The following YAF2 variants were observed in gnomAD, a reference collection of about 807,000 sequenced individuals.
YAF2 encodes YY1 associated factor 2.
In YAF2, 7 loss-of-function variants were observed where a neutral mutation model predicts 20.1. The ratio of observed to expected loss-of-function variants is 0.35; its 90% CI spans 0.20 to 0.65. The LOEUF (loss-of-function observed/expected upper bound fraction) is 0.65. Among genes scored for constraint, YAF2 ranks in the 30% least tolerant of loss-of-function variants. The pLI is 0.69. For missense variants in YAF2, 151 were observed against 219.2 expected (o/e 0.69, Z 1.96); for synonymous variants, 74 against 76.0 (o/e 0.97, Z 0.14).
In YAF2 at chr12:42,160,361, C is replaced by T; in HGVS notation, c.*228G>A. ...CACTGCATAATGAATAATTCAACCA[C>T]ATTTTCATGGCACTTAACTGCAGAG... On this transcript the variant is annotated 3_prime_UTR_variant, in exon 4 of 4. Transcript: ENST00000534854. The T allele has an allele frequency of 4.1e-6, 2 of 484,532 alleles. No homozygotes were observed. The highest frequency in any genetic ancestry group is 7.3e-6 in the Non-Finnish European group (2 of 274,574). 30.0% of individuals were successfully genotyped at this position (484,532 alleles called of 1,614,324 possible).
In YAF2 at chr12:42,159,814, T is replaced by G. The variant is rs1287943783; in HGVS notation, c.*775A>C. 6.6e-6 allele frequency: 1 copy of G among 152,546 alleles called. No homozygotes were observed. Among genetic ancestry groups the G allele is most frequent in the Non-Finnish European group, 1.5e-5 (1 of 67,966 alleles). The allele number at this position is 152,546 out of a possible 1,614,324, so 9.4% of individuals were successfully genotyped here. On this transcript the variant is annotated 3_prime_UTR_variant, in exon 4 of 4. Coordinates refer to ENST00000534854, the MANE Select transcript of YAF2 (RefSeq NM_005748.6). The stretch of plus-strand genomic sequence containing the variant: ...TGCCAAATGCTTATAATTATTTGAA[T>G]TTTAATGTTTTATATGATACAGAAA...
Position 42,214,559 on chromosome 12 carries a change from G to A in YAF2, c.152+23040C>T, listed in dbSNP as rs184971042. Among the ~76,000 whole-genome samples, 33 of 151,750 alleles carry A rather than the reference G, an allele frequency of 2.2e-4. No homozygotes were observed. The East Asian group carries it at 5.3e-3, about 24-fold the overall frequency. On this transcript the variant is annotated intron_variant, in intron 2 of 3. Coordinates refer to ENST00000534854, the MANE Select transcript of YAF2 (RefSeq NM_005748.6). Reference sequence around the variant, plus strand: ...AGTGCTGGGATTACAGGTGTGAGCCGCCATGCCCGGCCTCCTCTTATCCTT... The same window carrying A: ...AGTGCTGGGATTACAGGTGTGAGCCACCATGCCCGGCCTCCTCTTATCCTT...
chr12:42,210,716 G>A, intron 2 of YAF2: 1 of 1,513,260 alleles, frequency 6.6e-7, no homozygotes, highest in Non-Finnish European at 8.8e-7. Context: ...TTTTATTTGA[G>A]ATTATTATCA....
chr12:42,223,680 T>C (rs570119127), intron 2 of YAF2, among the ~76,000 whole-genome samples: 2 of 152,150 alleles, frequency 1.3e-5, no homozygotes, highest in Admixed American at 1.3e-4. Context: ...TTATTAATAA[T>C]GGCCACATGC....
At chr12:42,215,695 G>A (rs1375845041) in intron 2 of YAF2, among the ~76,000 whole-genome samples, 1 of 152,170 alleles carries the variant, frequency 6.6e-6, no homozygotes, top group African/African-American at 2.4e-5. Context: ...GGCTGAGGCA[G>A]GCAGATCACT....
At chr12:42,231,752 G>A (rs534715942) in intron 2 of YAF2, 1 of 152,148 alleles carries the variant, frequency 6.6e-6, no homozygotes. Flanking sequence ...AATCTTCTCA[G>A]AAAAGTCTTT....
chr12:42,217,676 T>C lies in YAF2; in HGVS notation c.152+19923A>G, dbSNP rs117563952. Among the ~76,000 whole-genome samples the C allele has an allele frequency of 7.0e-3, 1,069 of 152,242 alleles. 40 individuals are homozygous for C. The East Asian group carries it at 0.085, about 12-fold the overall frequency. Reference sequence around the variant, plus strand: ...ATTACCACCAAAAAAATCACATGAATATAAATGTCAAGGAGGGGATTTAAA... The same window carrying C: ...ATTACCACCAAAAAAATCACATGAACATAAATGTCAAGGAGGGGATTTAAA... On this transcript the variant is annotated intron_variant, in intron 2 of 3. Coordinates refer to ENST00000534854, the MANE Select transcript of YAF2 (RefSeq NM_005748.6).
At chr12:42,227,972 G>A (rs1314593469) in intron 2 of YAF2, among the ~76,000 whole-genome samples, 2 of 143,464 alleles carry the variant, frequency 1.4e-5, no homozygotes, top group Non-Finnish European at 3.1e-5. Flanking sequence ...GGAGGGAGGT[G>A]GGGGGGTCAG....
intron 2 of YAF2, among the ~76,000 whole-genome samples, chr12:42,226,359 A>T (rs1436890102): frequency 6.6e-6 from 1 of 152,206 alleles, no homozygotes; most frequent in Non-Finnish European, 1.5e-5. Flanking sequence ...GTACAATATC[A>T]TCCTTGAAAT....
At chr12:42,212,641 T>C (rs2067245585) in intron 2 of YAF2, among the ~76,000 whole-genome samples, 1 of 152,242 alleles carries the variant, frequency 6.6e-6, no homozygotes. Flanking sequence ...AATGTAATTC[T>C]AATGAAAATC....
intron 2 of YAF2, among the ~76,000 whole-genome samples, chr12:42,217,569 T>C (rs567936799): frequency 7.2e-5 from 11 of 152,306 alleles, no homozygotes; most frequent in South Asian, 2.1e-4. Context: ...GTGATGGGCA[T>C]TGAGAATTTT....
At chr12:42,217,494 C>T (rs1026844298) in intron 2 of YAF2, among the ~76,000 whole-genome samples, 2 of 152,052 alleles carry the variant, frequency 1.3e-5, no homozygotes, top group African/African-American at 4.8e-5. Flanking sequence ...AAAGCAGCAA[C>T]AGAATCAGAT....
rs202166970 is a variant in YAF2 at position 42,237,643 on chromosome 12, G to A, written c.108C>T (p.Ala36=). ...SVCTFRNSAE[A]FKCMMCDVRK... ...GCACATCGCACATCATGCACTTGAA[G>A]GCCTCGGCGCTGTTCCGGAAGGTGC... is the stretch of plus-strand genomic sequence containing the variant. The change falls in exon 2 of 4, where the codon GCC becomes GCT. Residue 36 remains alanine (A), a synonymous_variant. Transcript: ENST00000534854. 1.4e-3 allele frequency: 2,133 copies of A among 1,574,958 alleles called. 1 individual carries two copies. Among genetic ancestry groups the A allele is most frequent in the Non-Finnish European group, 1.7e-3 (2,009 of 1,161,638 alleles).
At chr12:42,225,988 A>AT (rs1376793279) in intron 2 of YAF2, among the ~76,000 whole-genome samples, 1 of 152,174 alleles carries the variant, frequency 6.6e-6, no homozygotes, top group East Asian at 1.9e-4. Flanking sequence ...TTTTCACAAT[A>AT]TTGATTCTTC....
intron 2 of YAF2, among the ~76,000 whole-genome samples, chr12:42,164,413 G>A (rs1167479057): frequency 6.6e-6 from 1 of 152,008 alleles, no homozygotes; most frequent in Non-Finnish European, 1.5e-5. Flanking sequence ...TTTCAACTAC[G>A]GTCTGCCTTC....
chr12:42,224,452 C>T (rs2067622941), intron 2 of YAF2, among the ~76,000 whole-genome samples: 1 of 151,978 alleles, frequency 6.6e-6, no homozygotes, highest in Non-Finnish European at 1.5e-5. Context: ...TAGGTATACA[C>T]GTGCCATAGT....
chr12:42,192,784 G>A (rs1287870879), intron 2 of YAF2, among the ~76,000 whole-genome samples: 1 of 152,174 alleles, frequency 6.6e-6, no homozygotes, highest in African/African-American at 2.4e-5. Flanking sequence ...CAATTTTGGA[G>A]TTACATAGTT....
chr12:42,158,430 T>C lies in YAF2; in HGVS notation c.*2159A>G, dbSNP rs1350589869. The C allele has an allele frequency of 5.3e-5, 8 of 152,198 alleles. No individual in the cohort carries two copies. The highest frequency in any genetic ancestry group is 9.6e-5 in the African/African-American group (4 of 41,460). 9.4% of individuals were successfully genotyped at this position (152,198 alleles called of 1,614,324 possible). A position where few individuals can be genotyped will look rare whatever the true frequency, so the allele number is the denominator to read the frequency against. ...TGTAATGGGATTTTACCTATAACAA[T>C]GGTAAAAGCTCACATTTACTGAGTG... is the stretch of plus-strand genomic sequence containing the variant. On this transcript the variant is annotated 3_prime_UTR_variant, in exon 4 of 4. Coordinates refer to ENST00000534854, the MANE Select transcript of YAF2 (RefSeq NM_005748.6).
intron 2 of YAF2, among the ~76,000 whole-genome samples, chr12:42,183,733 T>G (rs538399700): frequency 1.3e-5 from 2 of 152,314 alleles, no homozygotes; most frequent in Admixed American, 1.3e-4. Flanking sequence ...ACAGAAGATC[T>G]AGCTAAGAGA....
Sources: gnomAD v4.1 joint callset for allele counts (sites outside exome capture counted in the v4.1 genomes callset) on GRCh38, gnomAD v4.1.1 for gene constraint, MANE v1.5 for transcripts, NCBI Gene and HGNC (gene_info 2026-07-23, HGNC 2026-07-21) for gene names.